The following IGF2R variants were observed in gnomAD, a reference collection of about 807,000 sequenced individuals.
IGF2R encodes the protein cation-independent mannose-6-phosphate receptor.
In IGF2R, 91 loss-of-function variants were observed where a neutral mutation model predicts 270.6. That is an observed-to-expected ratio of 0.34 (90% CI 0.28 to 0.40). The LOEUF (loss-of-function observed/expected upper bound fraction) is 0.40. Among genes scored for constraint, IGF2R ranks in the 10% least tolerant of loss-of-function variants. The pLI is 1.00. For missense variants in IGF2R, 2,805 were observed against 3,188.3 expected (o/e 0.88, Z 2.90); for synonymous variants, 1,316 against 1,258.9 (o/e 1.05, Z -0.96).
chr6:160,033,307 C>T (rs8191764), intron 9 of IGF2R, among the ~76,000 whole-genome samples, 200 bp downstream of exon 9: 96 of 152,300 alleles, frequency 6.3e-4, no homozygotes, highest in South Asian at 1.2e-3. Flanking sequence ...TAGCTGGTTT[C>T]TGTAGTTTTT....
At chr6:160,023,653 C>A (rs543407058) in intron 4 of IGF2R, among the ~76,000 whole-genome samples, 2 of 152,296 alleles carry the variant, frequency 1.3e-5, no homozygotes, top group East Asian at 1.9e-4. Flanking sequence ...GCAAAGTGTT[C>A]ATGCCAGAGG....
intron 2 of IGF2R, among the ~76,000 whole-genome samples, chr6:159,994,726 A>G (rs903468432): frequency 1.4e-4 from 22 of 152,124 alleles, no homozygotes; most frequent in African/African-American, 5.3e-4. Context: ...CAGGTTGTTT[A>G]ATGTTCATGT....
At chr6:160,104,353 G>T (rs943533987) in intron 47 of IGF2R, among the ~76,000 whole-genome samples, 1 of 151,968 alleles carries the variant, frequency 6.6e-6, no homozygotes, top group Non-Finnish European at 1.5e-5. Context: ...TGCGCTGGGG[G>T]ATCACTGGTC....
chr6:159,969,390 G>C lies in IGF2R; in HGVS notation c.144G>C (p.Leu48=). 8.1e-7 allele frequency: 1 copy of C among 1,238,862 alleles called. No homozygotes were observed. The highest frequency in any genetic ancestry group is 4.1e-5 in the Admixed American group (1 of 24,362). The allele number at this position is 1,238,862 out of a possible 1,614,324, so 76.7% of individuals were successfully genotyped here. A position where few individuals can be genotyped will look rare whatever the true frequency, so the allele number is the denominator to read the frequency against. Residue 48 remains leucine (L), a synonymous_variant, in exon 1 of 48, where the codon CTG becomes CTC. Transcript: ENST00000356956. ...TQAQAAPFPE[L]CSYTWEAVDT... ...CCCAGGCCGCCCCGTTCCCCGAGCT[G>C]TGCAGGTGGGTGGCCCGCCCGGACG...
chr6:160,066,239 A>T (rs532848027), intron 29 of IGF2R, among the ~76,000 whole-genome samples: 1 of 151,490 alleles, frequency 6.6e-6, no homozygotes, highest in Non-Finnish European at 1.5e-5. Context: ...CTGGTCTCGA[A>T]CTCTTGACCT....
At chr6:160,037,647 G>A (rs2115238622) in intron 10 of IGF2R, among the ~76,000 whole-genome samples, 1 of 152,250 alleles carries the variant, frequency 6.6e-6, no homozygotes, top group African/African-American at 2.4e-5. Flanking sequence ...TATTATTGGT[G>A]ATTTTTTTAA....
At chr6:160,003,876 A>G (rs1784169129) in intron 2 of IGF2R, 1 of 152,074 alleles carries the variant, frequency 6.6e-6, no homozygotes, top group Non-Finnish European at 1.5e-5. Context: ...GTGTGAGGAT[A>G]TTAAATAGGG....
Position 160,073,330 on chromosome 6 carries a change from G to T in IGF2R, c.4808G>T (p.Gly1603Val), listed in dbSNP as rs201529415. ...KDGSPCPSKS[G>V]LSYKSVISFV... Reference sequence around the variant, plus strand: ...GGGTCCCCTTGTCCCTCCAAATCCGGCCTGAGCTATAAGAGTGTGATCAGT... The same window carrying T: ...GGGTCCCCTTGTCCCTCCAAATCCGTCCTGAGCTATAAGAGTGTGATCAGT... The change falls in exon 34 of 48, where the codon GGC (glycine) becomes GTC (valine). Residue 1603 changes from glycine to valine, a missense_variant. Coordinates refer to ENST00000356956, the MANE Select transcript of IGF2R (RefSeq NM_000876.4). The T allele has an allele frequency of 1.2e-6, 2 of 1,614,258 alleles. No individual in the cohort carries two copies. Among genetic ancestry groups the T allele is most frequent in the East Asian group, 2.2e-5 (1 of 44,882 alleles).
intron 28 of IGF2R, 133 bp from the exon 29 acceptor site, chr6:160,064,671 G>A: frequency 8.8e-7 from 1 of 1,139,244 alleles, no homozygotes; most frequent in Non-Finnish European, 1.3e-6. Context: ...CAGAAAATAT[G>A]TTGAAACTTT....
At chr6:160,088,302 G>A (rs1779140627) in intron 42 of IGF2R, among the ~76,000 whole-genome samples, 155 bp downstream of exon 42, 3 of 152,206 alleles carry the variant, frequency 2.0e-5, no homozygotes, top group Admixed American at 2.0e-4. Context: ...CTCCAGGCAG[G>A]GAAGACCTCC....
intron 1 of IGF2R, among the ~76,000 whole-genome samples, chr6:159,981,311 G>T (rs1467575953): frequency 6.6e-6 from 1 of 151,960 alleles, no homozygotes; most frequent in Non-Finnish European, 1.5e-5. Flanking sequence ...GTGTCTGAGT[G>T]TCTGTGAGTG....
In IGF2R at chr6:160,104,988, G is replaced by A. The variant is rs1779582224; in HGVS notation, c.7380G>A (p.Arg2460=). The A allele has an allele frequency of 6.2e-7, 1 of 1,613,858 alleles. No homozygotes were observed. The highest frequency in any genetic ancestry group is 8.5e-7 in the Non-Finnish European group (1 of 1,180,022). Residue 2460 remains arginine (R), a synonymous_variant, in exon 48 of 48, where the codon AGG becomes AGA. Transcript: ENST00000356956. Reference sequence around the variant, plus strand: ...GGCTGGTCAGGGGTGAGAAGGCGAGGAAAGGGAAGTCCAGCTCTGCACAGC... The same window carrying A: ...GGCTGGTCAGGGGTGAGAAGGCGAGAAAAGGGAAGTCCAGCTCTGCACAGC... ...RVGLVRGEKA[R]KGKSSSAQQK... is the part of the protein sequence containing the mutation.
chr6:160,098,589 T>C (rs1373633848), intron 45 of IGF2R, among the ~76,000 whole-genome samples: 1 of 152,046 alleles, frequency 6.6e-6, no homozygotes, highest in East Asian at 1.9e-4. Context: ...GAGGCTAAGG[T>C]GGGCGGATCA....
chr6:160,029,058 A>G (rs1276063420), intron 6 of IGF2R, among the ~76,000 whole-genome samples: 1 of 152,054 alleles, frequency 6.6e-6, no homozygotes, highest in Non-Finnish European at 1.5e-5. Context: ...ATTTTGGTTC[A>G]CTGCAACCTC....
intron 1 of IGF2R, among the ~76,000 whole-genome samples, chr6:159,970,622 A>G (rs983305288): frequency 6.6e-6 from 1 of 152,102 alleles, no homozygotes; most frequent in Non-Finnish European, 1.5e-5. Flanking sequence ...ATGGAGGGAG[A>G]GTTTGTGACA....
chr6:160,075,621 T>G (rs527611621), intron 35 of IGF2R, among the ~76,000 whole-genome samples: 2 of 152,324 alleles, frequency 1.3e-5, no homozygotes, highest in South Asian at 4.1e-4. Context: ...AGAACCAACC[T>G]TAGAACTAAC....
At chr6:159,986,855 TG>T (rs370059074) in intron 1 of IGF2R, among the ~76,000 whole-genome samples, 226 of 152,326 alleles carry the variant, frequency 1.5e-3, no homozygotes, top group African/African-American at 5.3e-3. Flanking sequence ...TTCATTTGCT[TG>T]GCTGTTAAAT....
chr6:159,979,683 G>C (rs1341468469), intron 1 of IGF2R, among the ~76,000 whole-genome samples: 2 of 152,156 alleles, frequency 1.3e-5, no homozygotes, highest in Non-Finnish European at 2.9e-5. Flanking sequence ...CCTGGTGGGG[G>C]GCCTGCATGT....
At chr6:160,092,429 T>C (rs1403246620) in intron 44 of IGF2R, among the ~76,000 whole-genome samples, 4 of 152,266 alleles carry the variant, frequency 2.6e-5, no homozygotes, top group African/African-American at 9.6e-5. Flanking sequence ...TAGCAGACCT[T>C]TGAGGATCCC....
Sources: gnomAD v4.1 joint callset for allele counts (sites outside exome capture counted in the v4.1 genomes callset) on GRCh38, gnomAD v4.1.1 for gene constraint, MANE v1.5 for transcripts, NCBI Gene and HGNC (gene_info 2026-07-23, HGNC 2026-07-21) for gene names.